Variants in ZNF470 observed in about 807,000 individuals in gnomAD.
ZNF470 encodes the protein zinc finger protein 470.
ZNF470 carries 13 observed loss-of-function variants against 13.9 expected under a neutral mutation model. That is an observed-to-expected ratio of 0.94 (90% CI 0.61 to 1.49). ZNF470 has a LOEUF of 1.49. ZNF470 is among the 40% of genes most tolerant of loss of function. The probability of loss-of-function intolerance (pLI) is 0.00; values close to 1 mark genes in which losing one functional copy is unlikely to be tolerated. For missense variants in ZNF470, 929 were observed against 857.3 expected, an observed-to-expected ratio of 1.08 and a Z score of -1.04; for synonymous variants, 293 against 282.9, an observed-to-expected ratio of 1.04 and a Z score of -0.36.
chr19:56,582,491 T>C lies in ZNF470; in HGVS notation c.*3908T>C, dbSNP rs1324100592. 3.0e-6 allele frequency: 3 copies of C among 985,444 alleles called. No homozygotes were observed. The highest frequency in any genetic ancestry group is 3.6e-6 in the Non-Finnish European group (3 of 829,928). 61.0% of individuals were successfully genotyped at this position (985,444 alleles called of 1,614,324 possible). A position where few individuals can be genotyped will look rare whatever the true frequency, so the allele number is the denominator to read the frequency against. On this transcript the variant is annotated 3_prime_UTR_variant, in exon 6 of 6. Transcript: ENST00000330619. The stretch of plus-strand genomic sequence containing the variant: ...AATGCTGGTTAAATTTTATACTTTA[T>C]TCACAAGAGTCACTGTGAATTGAAT...
intron 3 of ZNF470, 188 bp from the exon 4 acceptor site, chr19:56,574,206 A>T: frequency 1.0e-6 from 1 of 972,262 alleles, no homozygotes; most frequent in Non-Finnish European, 1.6e-6. Flanking sequence ...CTTTTTCCTA[A>T]TATGTACAGC....
intron 3 of ZNF470, among the ~76,000 whole-genome samples, chr19:56,572,340 CAAAAAAAAAAAA>C (rs564410370): frequency 1.2e-4 from 2 of 16,408 alleles, no homozygotes; most frequent in South Asian, 5.4e-3. Context: ...CCTGTCTCTA[CAAAAAAAAAAAA>C]AAAAAAAAAA....
In ZNF470 at chr19:56,582,439, G is replaced by C; in HGVS notation, c.*3856G>C. On this transcript the variant is annotated 3_prime_UTR_variant, in exon 6 of 6. Transcript: ENST00000330619. ...AAGATGGCTCATAACCAAATTTAGA[G>C]ACTATTTTTATGCATTGTTAAAGTG... 1.0e-6 allele frequency: 1 copy of C among 985,326 alleles called. No homozygotes were observed. The highest frequency in any genetic ancestry group is 1.2e-6 in the Non-Finnish European group (1 of 829,888). 61.0% of individuals were successfully genotyped at this position (985,326 alleles called of 1,614,324 possible).
At chr19:56,576,313 C>T (rs1410330160) in intron 5 of ZNF470, among the ~76,000 whole-genome samples, 3 of 151,916 alleles carry the variant, frequency 2.0e-5, no homozygotes, top group African/African-American at 7.3e-5. Flanking sequence ...GCCACATCCC[C>T]GAATAGTTCT....
chr19:56,577,617 CT>C lies in ZNF470; in HGVS notation c.1191del (p.Phe397LeufsTer14). ...GATATTATCATACTGGAGAGAAACC[CT>C]TTGACTGTATTGATTGTGGGAAGGC... Reference protein sequence around the residue: ...RRYYHTGEKPFDCIDCGKAFT... With the variant: ...RRYYHTGEKPXDCIDCGKAFT... On this transcript the variant is annotated frameshift_variant, in exon 6 of 6. Transcript: ENST00000330619. LOFTEE classifies it low-confidence loss of function (END_TRUNC). 1 of 1,613,848 alleles carries C rather than the reference CT, an allele frequency of 6.2e-7. No individual in the cohort carries two copies.
chr19:56,580,475 T>G lies in ZNF470; in HGVS notation c.*1892T>G, dbSNP rs1243992755. ...CAAAGTTCCACTTAAAGTGTACAAC[T>G]TATGGCTTTTAGTTCATTCACGGAG... On this transcript the variant is annotated 3_prime_UTR_variant, in exon 6 of 6. Coordinates refer to ENST00000330619, the MANE Select transcript of ZNF470 (RefSeq NM_001001668.4). 3 of 152,100 alleles carry G rather than the reference T, an allele frequency of 2.0e-5. No homozygotes were observed. The highest frequency in any genetic ancestry group is 3.9e-4 in the East Asian group (2 of 5,120). 9.4% of individuals were successfully genotyped at this position (152,100 alleles called of 1,614,324 possible).
rs902627164 is a variant in ZNF470, at chr19:56,567,667, C to G, written c.-530C>G. On this transcript the variant is annotated 5_prime_UTR_variant, in exon 1 of 6. Coordinates refer to ENST00000330619, the MANE Select transcript of ZNF470 (RefSeq NM_001001668.4). ...GCCCATACGTGGTGAGCGTGCGGTG[C>G]TGTGCTGAGGAGGGGCGAGCGCGCG... 4 of 988,330 alleles carry G rather than the reference C, an allele frequency of 4.0e-6. No homozygotes were observed. The highest frequency in any genetic ancestry group is 4.8e-6 in the Non-Finnish European group (4 of 832,322). 61.2% of individuals were successfully genotyped at this position (988,330 alleles called of 1,614,324 possible).
chr19:56,577,416 A>G lies in ZNF470; in HGVS notation c.987A>G (p.Gln329=). The stretch of plus-strand genomic sequence containing the variant: ...TCAGCCAGCTTGCACACCTTGCTCA[A>G]CATCAGAGGGTCCACACTGGAGAGA... The part of the protein sequence containing the change: ...KAFSQLAHLA[Q]HQRVHTGEKP... The change falls in exon 6 of 6, where the codon CAA becomes CAG. Residue 329 remains glutamine (Q), a synonymous_variant. Coordinates refer to ENST00000330619, the MANE Select transcript of ZNF470 (RefSeq NM_001001668.4). The G allele has an allele frequency of 1.2e-6, 2 of 1,613,888 alleles. No individual in the cohort carries two copies. Among genetic ancestry groups the G allele is most frequent in the Non-Finnish European group, 8.5e-7 (1 of 1,179,936 alleles).
At chr19:56,575,115 C>A (rs1370996310) in intron 5 of ZNF470, among the ~76,000 whole-genome samples, 1 of 152,116 alleles carries the variant, frequency 6.6e-6, no homozygotes, top group Non-Finnish European at 1.5e-5. Context: ...TGTATTACAG[C>A]TATTTTCTTC....
intron 3 of ZNF470, among the ~76,000 whole-genome samples, chr19:56,571,923 T>A (rs539377874): frequency 1.0e-3 from 154 of 151,246 alleles, no homozygotes; most frequent in African/African-American, 3.6e-3. Flanking sequence ...TGGCAAAAAT[T>A]TTTTTTTTAT....
Position 56,579,759 on chromosome 19 carries a change from G to T in ZNF470, c.*1176G>T. ...TTTTTAAAATATTTAAAAATAGGAA[G>T]GCTAGACATGCCTCTGTATAGAAAA... On this transcript the variant is annotated 3_prime_UTR_variant, in exon 6 of 6. Coordinates refer to ENST00000330619, the MANE Select transcript of ZNF470 (RefSeq NM_001001668.4). 1 of 962,608 alleles carries T rather than the reference G, an allele frequency of 1.0e-6. No individual in the cohort carries two copies. 59.6% of individuals were successfully genotyped at this position (962,608 alleles called of 1,614,324 possible).
intron 2 of ZNF470, among the ~76,000 whole-genome samples, chr19:56,569,253 A>G (rs762299944): frequency 3.9e-5 from 6 of 152,158 alleles, no homozygotes; most frequent in Non-Finnish European, 8.8e-5. Context: ...AGTGGAGTCA[A>G]GGGACTGCTT....
chr19:56,573,892 T>G, intron 3 of ZNF470: 1 of 913,036 alleles, frequency 1.1e-6, no homozygotes, highest in Non-Finnish European at 1.3e-6. Context: ...CTAGGTGTTT[T>G]TTTCCTTTCA....
At position 56,567,649 on chromosome 19, in the gene ZNF470, C is replaced by T; in HGVS notation, c.-548C>T. 1 of 987,898 alleles carries T rather than the reference C, an allele frequency of 1.0e-6. No individual in the cohort carries two copies. The highest frequency in any genetic ancestry group is 4.7e-5 in the South Asian group (1 of 21,454). The allele number at this position is 987,898 out of a possible 1,614,324, so 61.2% of individuals were successfully genotyped here. ...GGCCTGGTGGCTGTGAGTGCCCATA[C>T]GTGGTGAGCGTGCGGTGCTGTGCTG... On this transcript the variant is annotated 5_prime_UTR_variant, in exon 1 of 6. The change creates a new upstream start codon in the 5' untranslated region. Transcript: ENST00000330619.
At chr19:56,570,408 T>A (rs2044443863) in intron 3 of ZNF470, 37 bp downstream of exon 3, 4 of 1,605,330 alleles carry the variant, frequency 2.5e-6, no homozygotes, top group Non-Finnish European at 1.7e-6. Context: ...CTAAAATAGT[T>A]TTGCTTTTCT....
chr19:56,569,996 A>C (rs2044439137), intron 2 of ZNF470, among the ~76,000 whole-genome samples: 2 of 60,278 alleles, frequency 3.3e-5, no homozygotes, highest in African/African-American at 3.4e-4. Flanking sequence ...CTTAGAAAAA[A>C]AAAATGTACA....
Position 56,567,803 on chromosome 19 carries a change from C to CT in ZNF470, c.-391dup. ...GGTGTGTGTTGGAATGAGTGAAGCA[C>CT]TTTAAGTGGCCAAGAGCAGGAAACC... On this transcript the variant is annotated 5_prime_UTR_variant, in exon 1 of 6. An upstream open reading frame in the 5' UTR loses its in-frame stop. Transcript: ENST00000330619. The CT allele has an allele frequency of 3.0e-6, 3 of 986,814 alleles. No homozygotes were observed. The highest frequency in any genetic ancestry group is 3.6e-6 in the Non-Finnish European group (3 of 831,070). The allele number at this position is 986,814 out of a possible 1,614,324, so 61.1% of individuals were successfully genotyped here. A position where few individuals can be genotyped will look rare whatever the true frequency, so the allele number is the denominator to read the frequency against.
intron 5 of ZNF470, among the ~76,000 whole-genome samples, chr19:56,576,470 C>G (rs959619308): frequency 2.0e-5 from 3 of 152,100 alleles, no homozygotes; most frequent in Non-Finnish European, 4.4e-5. Flanking sequence ...TAGAGACAAA[C>G]CTCAATTATC....
chr19:56,576,947 A>T lies in ZNF470; in HGVS notation c.518A>T (p.His173Leu), dbSNP rs1209290628. The T allele has an allele frequency of 1.9e-6, 3 of 1,583,072 alleles. No homozygotes were observed. The African/African-American group carries it at 4.1e-5, about 22-fold the overall frequency. The change falls in exon 6 of 6, where the codon CAC becomes CTC. Residue 173 changes from histidine to leucine, a missense_variant. By Grantham distance (99) the His-to-Leu change is moderately conservative. Transcript: ENST00000330619. ...GATACTCTTATTGAAAAAAGAGATC[A>T]CTCTAACAAATCTGGGACAGTTTTT... is the stretch of plus-strand genomic sequence containing the variant. ...HIDTLIEKRD[H>L]SNKSGTVFHL...
Sources: allele counts gnomAD v4.1 joint callset (sites outside exome capture counted in the v4.1 genomes callset), GRCh38; gene constraint gnomAD v4.1.1; transcripts MANE v1.5; gene names NCBI Gene and HGNC (gene_info 2026-07-23, HGNC 2026-07-21).